Variants in SORL1-AS1 observed in about 807,000 individuals in gnomAD.
SORL1-AS1 encodes SORL1 antisense RNA 1, also known as lncRNA 51 A.
chr11:121,451,258 A>G (rs1457396416), intron 1 of SORL1-AS1, among the ~76,000 whole-genome samples: 1 of 152,200 alleles, frequency 6.6e-6, no homozygotes, highest in Non-Finnish European at 1.5e-5. Flanking sequence ...CCTGCAAAAA[A>G]AATATTTTCC....
chr11:121,445,639 A>T (rs1591537042), downstream of SORL1-AS1, among the ~76,000 whole-genome samples: 1 of 152,006 alleles, frequency 6.6e-6, no homozygotes, highest in East Asian at 1.9e-4. Context: ...TCCCGGAACC[A>T]GAGCACTTTA....
exon 2 of SORL1-AS1, chr11:121,448,627 A>G (rs995909093): frequency 2.0e-5 from 3 of 152,292 alleles, no homozygotes; most frequent in African/African-American, 4.8e-5. Context: ...CCCTTAACCA[A>G]CCATTGCCAC....
exon 2 of SORL1-AS1, chr11:121,448,429 T>C (rs1860750573): frequency 6.6e-6 from 1 of 152,176 alleles, no homozygotes; most frequent in Non-Finnish European, 1.5e-5. Flanking sequence ...GTGAGGTCAA[T>C]GGTAGTTATT....
intron 1 of SORL1-AS1, among the ~76,000 whole-genome samples, chr11:121,451,792 T>C (rs1160561825): frequency 6.6e-6 from 1 of 152,196 alleles, no homozygotes; most frequent in Non-Finnish European, 1.5e-5. Context: ...GAGCTAATTC[T>C]GTGGCTCTGG....
downstream of SORL1-AS1, among the ~76,000 whole-genome samples, chr11:121,446,347 G>T (rs1252364749): frequency 1.3e-5 from 2 of 152,196 alleles, no homozygotes; most frequent in East Asian, 3.8e-4. Context: ...CCAGGAAGAG[G>T]TCAAGAAGTG....
Position 121,452,203 on chromosome 11 carries a change from C to G in SORL1-AS1, n.339+472G>C. 5 of 488,640 alleles carry G rather than the reference C, an allele frequency of 1.0e-5. No individual in the cohort carries two copies. The highest frequency in any genetic ancestry group is 1.4e-5 in the Non-Finnish European group (5 of 368,708). The allele number at this position is 488,640 out of a possible 1,614,324, so 30.3% of individuals were successfully genotyped here. A position where few individuals can be genotyped will look rare whatever the true frequency, so the allele number is the denominator to read the frequency against. On this transcript the variant is annotated intron_variant and non_coding_transcript_variant, in intron 1 of 1. Coordinates refer to ENST00000501964, the Ensembl canonical transcript of SORL1-AS1. The surrounding 1 kb of genome is among the most constrained non-coding windows in gnomAD (Gnocchi z 5.3). ...AGCGGCGGCGGGCGCAGCGGGGCGG[C>G]CCGGAGCGGCGCGGGCGGCCTGGAG...
downstream of SORL1-AS1, among the ~76,000 whole-genome samples, chr11:121,442,524 A>G (rs1426159154): frequency 4.0e-5 from 6 of 151,488 alleles, no homozygotes; most frequent in Non-Finnish European, 8.8e-5. Flanking sequence ...GGTCCCAGCT[A>G]CTCAGGAGGC....
chr11:121,443,506 T>C (rs1256505742), downstream of SORL1-AS1, among the ~76,000 whole-genome samples: 1 of 152,256 alleles, frequency 6.6e-6, no homozygotes, highest in Non-Finnish European at 1.5e-5. Context: ...TCCTTATTCA[T>C]AGTTGCTATA....
At chr11:121,442,590 G>A (rs567818689), downstream of SORL1-AS1, among the ~76,000 whole-genome samples, 1 of 151,706 alleles carries the variant, frequency 6.6e-6, no homozygotes, top group South Asian at 2.1e-4. Flanking sequence ...AGCTGAGATG[G>A]TGCCACTGTA....
downstream of SORL1-AS1, among the ~76,000 whole-genome samples, chr11:121,443,552 C>A (rs1860688887): frequency 6.6e-6 from 1 of 152,184 alleles, no homozygotes; most frequent in Non-Finnish European, 1.5e-5. Context: ...TCAATATAAA[C>A]AGAGTCATGT....
At chr11:121,441,301 A>T in the SORL1-AS1 span, among the ~76,000 whole-genome samples, 2 of 151,778 alleles carry the variant, frequency 1.3e-5, no homozygotes, top group Non-Finnish European at 1.5e-5. Context: ...AGGCGGGCAG[A>T]TCACGAGGTC....
the SORL1-AS1 span, among the ~76,000 whole-genome samples, chr11:121,440,386 TAAAC>T: frequency 3.3e-5 from 5 of 151,866 alleles, no homozygotes; most frequent in Admixed American, 1.3e-4. Context: ...AATAAATAAA[TAAAC>T]AAACAAATAA....
Position 121,452,413 on chromosome 11 carries a change from T to C in SORL1-AS1, n.339+262A>G. 19 of 1,524,132 alleles carry C rather than the reference T, an allele frequency of 1.2e-5. No individual in the cohort carries two copies. Among genetic ancestry groups the C allele is most frequent in the Non-Finnish European group, 1.5e-5 (17 of 1,138,874 alleles). The allele number at this position is 1,524,132 out of a possible 1,614,324, so 94.4% of individuals were successfully genotyped here. On this transcript the variant is annotated intron_variant and non_coding_transcript_variant, in intron 1 of 1. Coordinates refer to ENST00000501964, the Ensembl canonical transcript of SORL1-AS1. The surrounding 1 kb of genome is among the most constrained non-coding windows in gnomAD (Gnocchi z 5.3). ...CGCACTGCTGCCGCCCGGAGCTCTCTGCGAAGTCTGGACGCAGAGGCTGCA... is the reference window on the plus strand; with the variant it reads ...CGCACTGCTGCCGCCCGGAGCTCTCCGCGAAGTCTGGACGCAGAGGCTGCA...
chr11:121,438,931 C>T, the SORL1-AS1 span, among the ~76,000 whole-genome samples: 3 of 152,312 alleles, frequency 2.0e-5, no homozygotes, highest in South Asian at 2.1e-4. Flanking sequence ...GAGGCTGAGG[C>T]ACAAGAATTG....
In SORL1-AS1 at chr11:121,450,191, C is replaced by T. The variant is rs1860771352; in HGVS notation, n.340-292G>A. Among the ~76,000 whole-genome samples the T allele has an allele frequency of 6.6e-6, 1 of 152,186 alleles. No homozygotes were observed. The highest frequency in any genetic ancestry group is 6.5e-5 in the Admixed American group (1 of 15,268). On this transcript the variant is annotated intron_variant and non_coding_transcript_variant, in intron 1 of 1. Transcript: ENST00000501964. This position sits in a 1 kb window ranked among gnomAD's most constrained non-coding sequence, Gnocchi z 5.2. ...CACTTGCTCTTGCAGAGAAGGTTCT[C>T]ATTAAATATATGTTGGAAAAACCCC...
the SORL1-AS1 span, among the ~76,000 whole-genome samples, chr11:121,441,675 T>A: frequency 1.3e-5 from 2 of 152,122 alleles, no homozygotes; most frequent in African/African-American, 4.8e-5. Context: ...TCCTTCCCAC[T>A]GGGTGGCTTG....
chr11:121,445,003 G>A (rs1376783454), downstream of SORL1-AS1, among the ~76,000 whole-genome samples: 1 of 152,126 alleles, frequency 6.6e-6, no homozygotes, highest in Admixed American at 6.5e-5. Flanking sequence ...CCTCCGAGCA[G>A]GTCTGTTGGT....
chr11:121,446,008 T>G (rs1860717549), downstream of SORL1-AS1, among the ~76,000 whole-genome samples: 1 of 152,256 alleles, frequency 6.6e-6, no homozygotes, highest in African/African-American at 2.4e-5. Flanking sequence ...CTGCCATTCT[T>G]TGCAGTGAAA....
rs1374433192 is a variant in SORL1-AS1, at chr11:121,452,519, G to C, written n.339+156C>G. 9.5e-6 allele frequency: 14 copies of C among 1,480,044 alleles called. No individual in the cohort carries two copies. Among genetic ancestry groups the C allele is most frequent in the Non-Finnish European group, 1.2e-5 (13 of 1,120,266 alleles). 91.7% of individuals were successfully genotyped at this position (1,480,044 alleles called of 1,614,324 possible). A position where few individuals can be genotyped will look rare whatever the true frequency, so the allele number is the denominator to read the frequency against. On this transcript the variant is annotated intron_variant and non_coding_transcript_variant, in intron 1 of 1. Coordinates refer to ENST00000501964, the Ensembl canonical transcript of SORL1-AS1. The surrounding 1 kb of genome is among the most constrained non-coding windows in gnomAD (Gnocchi z 5.3). ...CCGCGCGAGCTGCGGCTGTGGGCGC[G>C]CGGGGATGCCAGGGGGGCGAGCCGC...
Sources: allele counts gnomAD v4.1 joint callset (sites outside exome capture counted in the v4.1 genomes callset), GRCh38; gene constraint gnomAD v4.1.1; non-coding constraint Gnocchi (gnomAD v3.1); transcripts MANE v1.5; gene names NCBI Gene and HGNC (gene_info 2026-07-23, HGNC 2026-07-21).